The following PABIR3 variants were observed in gnomAD, a reference collection of about 807,000 sequenced individuals.
PABIR3 encodes PABIR family member 1.
In PABIR3, 20 loss-of-function variants were observed where a neutral mutation model predicts 23.1. That is an observed-to-expected ratio of 0.86 (90% CI 0.61 to 1.26). PABIR3 has a LOEUF of 1.26. Ranked by LOEUF, PABIR3 falls within the 50% of genes most tolerant of loss-of-function variation. The pLI is 0.00. For synonymous variants in PABIR3, 69 were observed against 68.5 expected, an observed-to-expected ratio of 1.01 and a Z score of -0.04; for missense variants, 189 against 195.4, an observed-to-expected ratio of 0.97 and a Z score of 0.20.
intron 9 of PABIR3, among the ~76,000 whole-genome samples, chrX:134,850,709 G>C (rs1183478902): frequency 8.9e-6 from 1 of 112,166 alleles, no homozygotes; most frequent in East Asian, 2.8e-4. Context: ...ATTTATGATT[G>C]AAAAATTATT....
At chrX:134,807,760 G>A (rs1391789522) in intron 2 of PABIR3, 52 bp downstream of exon 2, 1 of 1,071,670 alleles carries the variant, frequency 9.3e-7, no homozygotes, top group Non-Finnish European at 1.2e-6. Context: ...GGAGGTGTTC[G>A]GGAAAGTGAT....
In PABIR3 at chrX:134,814,826, A is replaced by G; in HGVS notation, c.166A>G (p.Thr56Ala). ...DMLRIRTNRT[T>A]FRNRRSLLLP... ...GTTAAGAATTAGGACAAACAGAACA[A>G]CATTTAGGAATCGACGCTCTCTGGT... The change falls in exon 3 of 11, where the codon ACA becomes GCA. Residue 56 changes from threonine (T) to alanine (A), a missense_variant. Coordinates refer to ENST00000645433, the MANE Select transcript of PABIR3 (RefSeq NM_001388447.1). 8.3e-7 allele frequency: 1 copy of G among 1,199,284 alleles called. No homozygotes were observed. The highest frequency in any genetic ancestry group is 1.1e-6 in the Non-Finnish European group (1 of 888,565).
At chrX:134,845,286 G>A (rs923579829) in intron 5 of PABIR3, 38 bp downstream of exon 5, 6 of 1,172,276 alleles carry the variant, frequency 5.1e-6, no homozygotes, top group Non-Finnish European at 6.9e-6. Flanking sequence ...CTGATAATTT[G>A]TATACTTAAT....
chrX:134,820,381 TAA>T (rs1457481454), intron 3 of PABIR3, among the ~76,000 whole-genome samples: 1 of 111,769 alleles, frequency 8.9e-6, no homozygotes, highest in Non-Finnish European at 1.9e-5. Context: ...TCATAAACTA[TAA>T]GTTTAATGGT....
At chrX:134,830,553 G>A (rs1044036346) in intron 4 of PABIR3, among the ~76,000 whole-genome samples, 1 of 109,023 alleles carries the variant, frequency 9.2e-6, no homozygotes, top group Non-Finnish European at 1.9e-5. Context: ...GGCTGGTCTT[G>A]AACTCCTGAC....
At chrX:134,798,457 GGTT>G (rs767441348) in intron 1 of PABIR3, among the ~76,000 whole-genome samples, 33 of 111,954 alleles carry the variant, frequency 2.9e-4, no homozygotes, top group African/African-American at 1.0e-3. Flanking sequence ...TGTGCCCTCT[GGTT>G]GTTTGTGTTC....
chrX:134,810,543 A>C, intron 2 of PABIR3: 5 of 754,176 alleles, frequency 6.6e-6, no homozygotes, highest in Non-Finnish European at 7.8e-6. Context: ...AGATGATCTG[A>C]GGGCATATTT....
Position 134,854,721 on chromosome X carries a change from C to T in PABIR3, c.*504C>T, listed in dbSNP as rs749998428. On this transcript the variant is annotated 3_prime_UTR_variant, in exon 11 of 11. Coordinates refer to ENST00000645433, the MANE Select transcript of PABIR3 (RefSeq NM_001388447.1). Reference sequence around the variant, plus strand: ...ATTTTTATGACTAAGTTATACCATACTGATCCAAGGATTGCTTATTTTGCA... The same window carrying T: ...ATTTTTATGACTAAGTTATACCATATTGATCCAAGGATTGCTTATTTTGCA... The T allele has an allele frequency of 1.8e-5, 2 of 112,327 alleles. No homozygotes were observed. Among genetic ancestry groups the T allele is most frequent in the African/African-American group, 6.5e-5 (2 of 30,988 alleles). The allele number at this position is 112,327 out of a possible 1,213,427, so 9.3% of individuals were successfully genotyped here.
chrX:134,824,363 C>T (rs777319085), intron 3 of PABIR3, among the ~76,000 whole-genome samples: 4 of 111,790 alleles, frequency 3.6e-5, no homozygotes, highest in East Asian at 2.8e-4. Context: ...TATTATGGTA[C>T]GTCCTTACAG....
At chrX:134,830,815 GC>G (rs1413859214) in intron 4 of PABIR3, among the ~76,000 whole-genome samples, 2 of 111,338 alleles carry the variant, frequency 1.8e-5, no homozygotes, top group Admixed American at 9.7e-5. Flanking sequence ...GTTATGTGTT[GC>G]TATTTGCTGG....
chrX:134,839,789 G>A (rs1219312286), intron 4 of PABIR3, among the ~76,000 whole-genome samples: 13 of 108,693 alleles, frequency 1.2e-4, no homozygotes, highest in Non-Finnish European at 2.3e-4. Context: ...GGTGAGGGGC[G>A]CCTCTGCCCG....
chrX:134,824,969 A>G (rs1308397739), intron 3 of PABIR3, among the ~76,000 whole-genome samples: 1 of 111,749 alleles, frequency 8.9e-6, no homozygotes, highest in Non-Finnish European at 1.9e-5. Flanking sequence ...AATGTAAACT[A>G]TGAACTTTGG....
the PABIR3 span, among the ~76,000 whole-genome samples, chrX:134,859,921 G>A: frequency 9.0e-6 from 1 of 111,177 alleles, no homozygotes; most frequent in Non-Finnish European, 1.9e-5. Context: ...TTATCCAGCA[G>A]AGGAACCTAA....
chrX:134,809,757 G>A lies in PABIR3; in HGVS notation c.110+2049G>A, dbSNP rs539562032. The A allele has an allele frequency of 1.9e-5, 14 of 730,416 alleles. No individual in the cohort carries two copies. The South Asian group carries it at 9.9e-4, about 51-fold the overall frequency. The allele number at this position is 730,416 out of a possible 1,213,427, so 60.2% of individuals were successfully genotyped here. On this transcript the variant is annotated intron_variant, in intron 2 of 10. Transcript: ENST00000645433. ...CGTTTAGTGGCAGAGCCAGTACTAG[G>A]AAGCTCTGTTTCCTGACTCCTAAAC...
At position 134,818,979 on chromosome X, in the gene PABIR3, C is replaced by T. The variant is rs73568775; in HGVS notation, c.189+4130C>T. ...TTTTATTTGAGACAGATCTCTTGCC[C>T]AGGCTGGAGTGCAGTGACGTGATCT... On this transcript the variant is annotated intron_variant, in intron 3 of 10. Transcript: ENST00000645433. Among the ~76,000 whole-genome samples the T allele has an allele frequency of 4.0e-3, 393 of 98,031 alleles. 4 individuals are homozygous for T. Among genetic ancestry groups the T allele is most frequent in the African/African-American group, 0.014 (378 of 26,188 alleles). 85.1% of individuals were successfully genotyped at this position (98,031 alleles called of 115,157 possible).
chrX:134,821,370 TC>T (rs2081288423), intron 3 of PABIR3: 3 of 1,149,222 alleles, frequency 2.6e-6, no homozygotes, highest in Non-Finnish European at 3.4e-6. Context: ...CCCAAAGACC[TC>T]TTCTGACCTT....
At chrX:134,860,015 AG>A in the PABIR3 span, among the ~76,000 whole-genome samples, 2 of 111,668 alleles carry the variant, frequency 1.8e-5, no homozygotes, top group Admixed American at 9.6e-5. Context: ...AAACTCTATA[AG>A]AGTGGGGTCT....
upstream of PABIR3, among the ~76,000 whole-genome samples, chrX:134,802,379 C>CCG (rs1238045733): frequency 1.8e-5 from 2 of 111,922 alleles, no homozygotes; most frequent in Non-Finnish European, 3.8e-5. Context: ...GCCACCGTGC[C>CCG]CGGCCTCAAG....
At chrX:134,798,083 A>G (rs2079957076) in intron 1 of PABIR3, among the ~76,000 whole-genome samples, 1 of 111,748 alleles carries the variant, frequency 8.9e-6, no homozygotes, top group South Asian at 3.7e-4. Flanking sequence ...GGCCTCCCAA[A>G]GTGCTGGGAT....
Sources: gnomAD v4.1 joint callset for allele counts (sites outside exome capture counted in the v4.1 genomes callset) on GRCh38, gnomAD v4.1.1 for gene constraint, MANE v1.5 for transcripts, NCBI Gene and HGNC (gene_info 2026-07-23, HGNC 2026-07-21) for gene names.